The following HERC2 variants were observed in gnomAD, a reference collection of about 807,000 sequenced individuals.
HERC2 encodes the protein E3 ubiquitin-protein ligase HERC2.
HERC2 carries 102 observed loss-of-function variants against 537.7 expected under a neutral mutation model. The ratio of observed to expected loss-of-function variants is 0.19; its 90% CI spans 0.16 to 0.22. HERC2 has a LOEUF of 0.22. Among genes scored for constraint, HERC2 ranks in the 10% least tolerant of loss-of-function variants. HERC2 has a pLI of 1.00. For missense variants in HERC2, 4,236 were observed against 6,198.2 expected, an observed-to-expected ratio of 0.68 and a Z score of 10.63; for synonymous variants, 2,224 against 2,466.2, an observed-to-expected ratio of 0.90 and a Z score of 2.91.
intron 56 of HERC2, among the ~76,000 whole-genome samples, chr15:28,183,710 C>T (rs886443296): frequency 2.6e-5 from 4 of 152,152 alleles, no homozygotes; most frequent in Admixed American, 2.6e-4. Context: ...CCCAAAGGCA[C>T]CAGACGGCTT....
At chr15:28,259,838 C>A (rs547607172) in intron 16 of HERC2, among the ~76,000 whole-genome samples, 14 of 151,144 alleles carry the variant, frequency 9.3e-5, no homozygotes, top group Non-Finnish European at 1.8e-4. Context: ...CATGGTAGTG[C>A]ACACCTATAA....
chr15:28,246,087 G>C, intron 22 of HERC2, 21 bp from the exon 23 acceptor site: 1 of 1,474,158 alleles, frequency 6.8e-7, no homozygotes, highest in East Asian at 2.3e-5. Context: ...GAAATAATAA[G>C]ATTTAAATAA....
Position 28,292,916 on chromosome 15 carries a change from C to G in HERC2, c.294G>C (p.Leu98=). The change falls in exon 4 of 93, where the codon CTG becomes CTC. Residue 98 remains leucine, a synonymous_variant. Coordinates refer to ENST00000261609, the MANE Select transcript of HERC2 (RefSeq NM_004667.6). ...GTTGCTTGCCCCATACCCAGCTGTC[C>G]AGAATTGACTTGGCCCTATATATAG... ...PAPIYRAKSI[L]DSWVWGKQPD... The G allele has an allele frequency of 6.2e-7, 1 of 1,610,906 alleles. No homozygotes were observed.
At chr15:28,153,651 G>C (rs1276939361) in intron 69 of HERC2, among the ~76,000 whole-genome samples, 1 of 151,604 alleles carries the variant, frequency 6.6e-6, no homozygotes, top group African/African-American at 2.4e-5. Context: ...ACTCTGTCTC[G>C]AAAAAAGAAA....
chr15:28,288,935 T>C (rs956086206), intron 4 of HERC2, among the ~76,000 whole-genome samples: 4 of 150,272 alleles, frequency 2.7e-5, no homozygotes, highest in Non-Finnish European at 5.9e-5. Flanking sequence ...AACAAAAACA[T>C]CATATTGTGG....
intron 37 of HERC2, among the ~76,000 whole-genome samples, chr15:28,219,597 T>C (rs974338661): frequency 1.3e-5 from 2 of 152,134 alleles, no homozygotes; most frequent in African/African-American, 2.4e-5. Context: ...TCAAAGATGG[T>C]GGTATCAGGA....
At chr15:28,292,241 A>G (rs1438498451) in intron 4 of HERC2, among the ~76,000 whole-genome samples, 2 of 151,468 alleles carry the variant, frequency 1.3e-5, no homozygotes, top group East Asian at 1.9e-4. Flanking sequence ...AAAAAAAAAA[A>G]AAAAAAAAAA....
chr15:28,142,093 C>CA (rs1463005609), intron 76 of HERC2, 145 bp downstream of exon 76: 1 of 840,488 alleles, frequency 1.2e-6, no homozygotes, highest in Non-Finnish European at 1.9e-6. Context: ...AGTGTCAGTT[C>CA]ACTCATTTTC....
chr15:28,144,420 CA>C (rs1274579733), intron 72 of HERC2, among the ~76,000 whole-genome samples, 185 bp from the exon 73 acceptor site: 1 of 152,170 alleles, frequency 6.6e-6, no homozygotes, highest in African/African-American at 2.4e-5. Context: ...CACTGTAAAC[CA>C]AAAGCCTAAG....
At position 28,116,749 on chromosome 15, in the gene HERC2, C is replaced by T; in HGVS notation, c.13525G>A (p.Asp4509Asn). The T allele has an allele frequency of 6.2e-7, 1 of 1,614,058 alleles. No individual in the cohort carries two copies. The highest frequency in any genetic ancestry group is 8.5e-7 in the Non-Finnish European group (1 of 1,180,028). ...PLLIVTPNGR[D>N]ESGANRDCYL... ...CAGTCTCGGTTGGCCCCAGACTCAT[C>T]CCTCCCGTTGGGTGTCACGATCAGC... is the stretch of plus-strand genomic sequence containing the variant. Residue 4509 changes from aspartate (D) to asparagine (N), a missense_variant, in exon 88 of 93, where the codon GAT becomes AAT. Physicochemically the swap from Asp to Asn is conservative, Grantham distance 23. Transcript: ENST00000261609.
chr15:28,279,068 C>T (rs993403154), intron 5 of HERC2, among the ~76,000 whole-genome samples: 3 of 152,104 alleles, frequency 2.0e-5, no homozygotes, highest in Admixed American at 1.3e-4. Flanking sequence ...CTCCGCTCAC[C>T]GCAACCTCCA....
intron 26 of HERC2, among the ~76,000 whole-genome samples, chr15:28,236,619 G>T (rs1902493325): frequency 1.3e-5 from 2 of 149,644 alleles, no homozygotes; most frequent in South Asian, 2.1e-4. Flanking sequence ...AGAGAGTCTT[G>T]CTCTGTCACC....
chr15:28,215,268 T>C (rs1189423618), intron 39 of HERC2, among the ~76,000 whole-genome samples: 1 of 152,248 alleles, frequency 6.6e-6, no homozygotes, highest in Non-Finnish European at 1.5e-5. Flanking sequence ...TCAAGTTGAT[T>C]AGTGATTAGG....
intron 2 of HERC2, among the ~76,000 whole-genome samples, chr15:28,307,730 T>A (rs1411539839): frequency 6.6e-6 from 1 of 152,236 alleles, no homozygotes; most frequent in Non-Finnish European, 1.5e-5. Flanking sequence ...TTTTAACTTT[T>A]ATATGGCAAA....
rs182327777 is a variant in HERC2 at position 28,236,377 on chromosome 15, G to C, written c.4003+586C>G. Among the ~76,000 whole-genome samples the C allele has an allele frequency of 2.5e-3, 386 of 151,650 alleles. 2 individuals are homozygous for C. Among genetic ancestry groups the C allele is most frequent in the Middle Eastern group, 6.8e-3 (2 of 292 alleles). ...GCGATCTCGGCTCACTGCAACCTCC[G>C]TCTCCTGGGTTCAAGCAATTCTCCT... On this transcript the variant is annotated intron_variant, in intron 26 of 92. Transcript: ENST00000261609.
rs1898008780 is a variant in HERC2, at chr15:28,202,408, C to T, written c.7419G>A (p.Arg2473=). 6 of 1,611,494 alleles carry T rather than the reference C, an allele frequency of 3.7e-6. No homozygotes were observed. Among genetic ancestry groups the T allele is most frequent in the Non-Finnish European group, 5.1e-6 (6 of 1,178,462 alleles). ...GAGACTTCAGGGCAAACTCGATGTT[C>T]CTTCTGGAAAATCCCATCTCCATGA... ...VQLMEMGFSR[R]NIEFALKSLT... Residue 2473 remains arginine (R), a synonymous_variant, in exon 46 of 93, where the codon AGG becomes AGA. Transcript: ENST00000261609.
Position 28,228,402 on chromosome 15 carries a change from C to A in HERC2, c.5280G>T (p.Gln1760His). The A allele has an allele frequency of 6.2e-7, 1 of 1,612,006 alleles. No individual in the cohort carries two copies. Among genetic ancestry groups the A allele is most frequent in the Non-Finnish European group, 8.5e-7 (1 of 1,179,836 alleles). ...ASAKFKELGI[Q>H]PVPLQTITNE... The stretch of plus-strand genomic sequence containing the variant: ...TGGTGATGGTTTGCAGGGGAACCGG[C>A]TGGATACCTAATGAGCATTGGCACC... Residue 1760 changes from glutamine (Q) to histidine (H), a missense_variant, in exon 35 of 93, where the codon CAG becomes CAT. Around this residue, in one of 27 missense-constraint regions of HERC2, gnomAD observed 343 missense variants for 417.2 expected, o/e 0.82. Coordinates refer to ENST00000261609, the MANE Select transcript of HERC2 (RefSeq NM_004667.6).
At chr15:28,220,115 C>G (rs1311169114) in intron 37 of HERC2, among the ~76,000 whole-genome samples, 1 of 152,200 alleles carries the variant, frequency 6.6e-6, no homozygotes, top group East Asian at 1.9e-4. Context: ...GGCCTCGGCT[C>G]ACTCGCTCAG....
rs766600581 is a variant in HERC2 at position 28,196,447 on chromosome 15, T to C, written c.8120+14A>G. 15 of 1,605,068 alleles carry C rather than the reference T, an allele frequency of 9.3e-6. No homozygotes were observed. In the African/African-American group the frequency reaches 1.3e-4, roughly 14 times the overall value. ...CGTCCCAAAGCAAATCTAGCAACCA[T>C]AAAAATAACTCACGTAACCCCAGGA... On this transcript the variant is annotated intron_variant, in intron 51 of 92. Coordinates refer to ENST00000261609, the MANE Select transcript of HERC2 (RefSeq NM_004667.6).
Sources: gnomAD v4.1 joint callset for allele counts (sites outside exome capture counted in the v4.1 genomes callset) on GRCh38, gnomAD v4.1.1 for gene constraint, gnomAD v4.1.1 regional missense constraint, MANE v1.5 for transcripts, NCBI Gene and HGNC (gene_info 2026-07-23, HGNC 2026-07-21) for gene names.